CTNND1: variants seen among roughly 807,000 people sequenced by gnomAD.
The protein encoded by CTNND1 is catenin delta 1.
A neutral mutation model predicts 112.1 loss-of-function variants in CTNND1; 16 were observed. The observed-to-expected ratio is 0.14, with a 90% CI of 0.10 to 0.22. CTNND1 has a LOEUF of 0.22. CTNND1 is among the 10% of genes least tolerant of loss of function. CTNND1 has a pLI of 1.00. For missense variants in CTNND1, 1,008 were observed against 1,257.0 expected (o/e 0.80, Z 3.00); for synonymous variants, 420 against 446.5 (o/e 0.94, Z 0.75).
chr11:57,776,166 C>A (rs1023909855), intron 1 of CTNND1, among the ~76,000 whole-genome samples: 8 of 152,174 alleles, frequency 5.3e-5, no homozygotes, highest in African/African-American at 1.9e-4. Context: ...TATTTTAGTT[C>A]AGGCTTCTCC....
intron 6 of CTNND1, among the ~76,000 whole-genome samples, chr11:57,798,767 A>ACC (rs1451993930): frequency 6.6e-6 from 1 of 152,206 alleles, no homozygotes; most frequent in East Asian, 1.9e-4. Flanking sequence ...GACCACGTAG[A>ACC]ACTATTTTAG....
chr11:57,804,465 C>T (rs2062399943), intron 8 of CTNND1, among the ~76,000 whole-genome samples, 198 bp from the exon 9 acceptor site: 1 of 152,182 alleles, frequency 6.6e-6, no homozygotes, highest in Non-Finnish European at 1.5e-5. Flanking sequence ...TCATTAATCC[C>T]TACCCCACAG....
At chr11:57,806,305 C>T (rs1190343521) in intron 10 of CTNND1, among the ~76,000 whole-genome samples, 156 bp from the exon 11 acceptor site, 2 of 152,118 alleles carry the variant, frequency 1.3e-5, no homozygotes, top group South Asian at 4.2e-4. Flanking sequence ...TAATCTGGGA[C>T]CTTCTTCCCC....
intron 6 of CTNND1, among the ~76,000 whole-genome samples, chr11:57,797,257 G>A (rs2061439422): frequency 6.7e-6 from 1 of 148,456 alleles, no homozygotes; most frequent in South Asian, 2.1e-4. Context: ...TTGAGACAGA[G>A]TCTTGCTCTT....
chr11:57,793,944 C>T (rs369518292), intron 3 of CTNND1, 66 bp from the exon 4 acceptor site: 15 of 1,515,172 alleles, frequency 9.9e-6, no homozygotes, highest in Admixed American at 8.4e-5. Context: ...AAAAAAAGAT[C>T]GTTTGTATTT....
chr11:57,803,898 T>C, intron 8 of CTNND1, 94 bp downstream of exon 8: 1 of 998,740 alleles, frequency 1.0e-6, no homozygotes, highest in East Asian at 2.7e-5. Flanking sequence ...CTTTAGCCTA[T>C]TCTTTAGCCT....
intron 1 of CTNND1, among the ~76,000 whole-genome samples, chr11:57,786,079 T>G (rs1191203556): frequency 1.3e-5 from 2 of 152,114 alleles, no homozygotes; most frequent in East Asian, 3.9e-4. Flanking sequence ...AATGTAGGAC[T>G]TAATGGCTTA....
At chr11:57,778,567 T>C (rs1320573478) in intron 1 of CTNND1, among the ~76,000 whole-genome samples, 1 of 152,214 alleles carries the variant, frequency 6.6e-6, no homozygotes, top group African/African-American at 2.4e-5. Context: ...AGCTTTGTCC[T>C]ACGTAGTGTT....
At chr11:57,809,656 G>A (rs1053142183) in intron 15 of CTNND1, among the ~76,000 whole-genome samples, 190 bp downstream of exon 15, 3 of 152,098 alleles carry the variant, frequency 2.0e-5, no homozygotes, top group Non-Finnish European at 4.4e-5. Flanking sequence ...TTCTTGTGTC[G>A]CTATTTGGGA....
At chr11:57,811,123 C>T (rs886193096) in intron 16 of CTNND1, among the ~76,000 whole-genome samples, 6 of 152,030 alleles carry the variant, frequency 3.9e-5, no homozygotes, top group African/African-American at 7.2e-5. Context: ...CCAAATCTAC[C>T]GTAGCCCTTT....
chr11:57,761,928 C>G lies in CTNND1; in HGVS notation c.-405C>G. The G allele has an allele frequency of 1.0e-6, 1 of 985,296 alleles. No homozygotes were observed. The highest frequency in any genetic ancestry group is 1.2e-6 in the Non-Finnish European group (1 of 829,936). The allele number at this position is 985,296 out of a possible 1,614,324, so 61.0% of individuals were successfully genotyped here. On this transcript the variant is annotated 5_prime_UTR_variant, in exon 1 of 21. Coordinates refer to ENST00000399050, the MANE Select transcript of CTNND1 (RefSeq NM_001085458.2). ...AGAGAAAGAAGAGCAGGAAAGATCCCGAAAGGAGGAAGAGGTGGCGAAAAA... is the reference window on the plus strand; with the variant it reads ...AGAGAAAGAAGAGCAGGAAAGATCCGGAAAGGAGGAAGAGGTGGCGAAAAA...
At position 57,810,083 on chromosome 11, in the gene CTNND1, C is replaced by T. The variant is rs746769581; in HGVS notation, c.2436-26C>T. 4 of 1,548,270 alleles carry T rather than the reference C, an allele frequency of 2.6e-6. No individual in the cohort carries two copies. In the Admixed American group the frequency reaches 7.6e-5, roughly 30 times the overall value. On this transcript the variant is annotated intron_variant, in intron 15 of 20. Coordinates refer to ENST00000399050, the MANE Select transcript of CTNND1 (RefSeq NM_001085458.2). Reference sequence around the variant, plus strand: ...TTTTTCCTGATTTTATATCCAAATTCCGTATGGTGTTACTTTCCTCCAAAG... The same window carrying T: ...TTTTTCCTGATTTTATATCCAAATTTCGTATGGTGTTACTTTCCTCCAAAG...
intron 1 of CTNND1, among the ~76,000 whole-genome samples, chr11:57,771,545 T>C (rs1952627748): frequency 6.6e-6 from 1 of 151,996 alleles, no homozygotes; most frequent in Non-Finnish European, 1.5e-5. Flanking sequence ...GGCTGGTTAT[T>C]GCCAATGAAC....
chr11:57,811,976 A>G (rs1467036618), intron 17 of CTNND1, among the ~76,000 whole-genome samples: 1 of 152,198 alleles, frequency 6.6e-6, no homozygotes, highest in Admixed American at 6.5e-5. Flanking sequence ...TCTTTTTCAC[A>G]TAAAGTGTAT....
In CTNND1 at chr11:57,809,296, G is replaced by C; in HGVS notation, c.2265G>C (p.Leu755Phe). The part of the protein sequence containing the change: ...ELIGKHAIPN[L>F]VKNLPGGQQN... ...TAGGTAAACATGCTATTCCTAACTTGGTAAAGAATCTGCCAGGAGGACAGC... is the reference window on the plus strand; with the variant it reads ...TAGGTAAACATGCTATTCCTAACTTCGTAAAGAATCTGCCAGGAGGACAGC... Residue 755 changes from leucine to phenylalanine, a missense_variant, in exon 15 of 21, where the codon TTG (leucine) becomes TTC (phenylalanine). Leu to Phe is a conservative substitution (Grantham distance 22). Transcript: ENST00000399050. 1.2e-6 allele frequency: 2 copies of C among 1,613,552 alleles called. No homozygotes were observed. The highest frequency in any genetic ancestry group is 2.2e-5 in the East Asian group (1 of 44,880).
rs568967116 is a variant in CTNND1 at position 57,807,585 on chromosome 11, G to A, written c.1964-580G>A. 3.7e-4 allele frequency among the ~76,000 whole-genome samples: 38 copies of A among 103,690 alleles called. No individual in the cohort carries two copies. The South Asian group carries it at 3.8e-3, about 10-fold the overall frequency. The allele number at this position is 103,690 out of a possible 152,430, so 68.0% of individuals were successfully genotyped here. ...CGCGCCACTGCACTCCAGCCTGGGC[G>A]ACAGATAGAAACTCCGTCTCAAAAA... On this transcript the variant is annotated intron_variant, in intron 12 of 20. Transcript: ENST00000399050.
At position 57,812,498 on chromosome 11, in the gene CTNND1, C is replaced by T. The variant is rs542431479; in HGVS notation, c.2638+1012C>T. Among the ~76,000 whole-genome samples the T allele has an allele frequency of 2.7e-3, 414 of 151,822 alleles. 1 individual carries two copies. Among genetic ancestry groups the T allele is most frequent in the Non-Finnish European group, 4.5e-3 (304 of 67,948 alleles). ...TTGCACCACTGCATTCCAGCCAGGG[C>T]GACAGAGTTGAGACTCCGTATCAAA... On this transcript the variant is annotated intron_variant, in intron 17 of 20. Coordinates refer to ENST00000399050, the MANE Select transcript of CTNND1 (RefSeq NM_001085458.2).
intron 18 of CTNND1, among the ~76,000 whole-genome samples, chr11:57,815,053 G>A (rs1370515507): frequency 6.6e-6 from 1 of 151,956 alleles, no homozygotes; most frequent in Non-Finnish European, 1.5e-5. Flanking sequence ...TCAGCCTCCC[G>A]AGTAGCTGGG....
At chr11:57,798,880 G>A (rs2061675857) in intron 6 of CTNND1, among the ~76,000 whole-genome samples, 1 of 152,178 alleles carries the variant, frequency 6.6e-6, no homozygotes, top group Admixed American at 6.5e-5. Context: ...TTTGGCCCAT[G>A]GGCTGCCAAT....
Sources: gnomAD v4.1 joint callset for allele counts (sites outside exome capture counted in the v4.1 genomes callset) on GRCh38, gnomAD v4.1.1 for gene constraint, MANE v1.5 for transcripts, NCBI Gene and HGNC (gene_info 2026-07-23, HGNC 2026-07-21) for gene names.